The following PCDHA2 variants were observed in gnomAD, a reference collection of about 807,000 sequenced individuals.
PCDHA2 encodes the protein protocadherin alpha-2.
A neutral mutation model predicts 66.0 loss-of-function variants in PCDHA2; 58 were observed. The ratio of observed to expected loss-of-function variants is 0.88; its 90% confidence interval spans 0.71 to 1.09. The LOEUF (loss-of-function observed/expected upper bound fraction) is 1.09. PCDHA2 is among the 50% of genes least tolerant of loss of function. The probability of loss-of-function intolerance (pLI) is 0.00; values close to 1 mark genes in which losing one functional copy is unlikely to be tolerated. For missense variants in PCDHA2, 1,267 were observed against 1,242.3 expected (o/e 1.02, Z -0.30); for synonymous variants, 634 against 554.0 (o/e 1.14, Z -2.03).
chr5:140,903,273 T>G (rs1213268192), intron 1 of PCDHA2, among the ~76,000 whole-genome samples: 2 of 152,228 alleles, frequency 1.3e-5, no homozygotes, highest in Non-Finnish European at 2.9e-5. Flanking sequence ...AGTGAGGTAG[T>G]GTCTCATTGT....
intron 1 of PCDHA2, among the ~76,000 whole-genome samples, chr5:140,923,894 G>A (rs2081566819): frequency 6.6e-6 from 1 of 152,186 alleles, no homozygotes; most frequent in African/African-American, 2.4e-5. Flanking sequence ...AAGAGGAGGA[G>A]TTTCTGTGAA....
chr5:140,909,992 T>A (rs2074821631), intron 1 of PCDHA2, among the ~76,000 whole-genome samples: 1 of 152,192 alleles, frequency 6.6e-6, no homozygotes, highest in Non-Finnish European at 1.5e-5. Context: ...ACTAACAGCA[T>A]AAATTGTTGT....
At chr5:140,936,768 G>C (rs1554211177) in intron 1 of PCDHA2, among the ~76,000 whole-genome samples, 2 of 152,042 alleles carry the variant, frequency 1.3e-5, no homozygotes, top group African/African-American at 4.8e-5. Flanking sequence ...AATTGTGTAA[G>C]TTCTCTCACT....
At chr5:140,923,093 A>G (rs1372910044) in intron 1 of PCDHA2, among the ~76,000 whole-genome samples, 3 of 152,194 alleles carry the variant, frequency 2.0e-5, no homozygotes, top group Admixed American at 6.5e-5. Flanking sequence ...TATTTGACCA[A>G]TGGGAGTATG....
chr5:140,976,685 T>TTGC (rs1279936534), intron 1 of PCDHA2, among the ~76,000 whole-genome samples: 2 of 152,238 alleles, frequency 1.3e-5, no homozygotes, highest in East Asian at 3.8e-4. Flanking sequence ...TTTTGCAATT[T>TTGC]AAGTACAATA....
intron 1 of PCDHA2, chr5:140,801,199 T>C: frequency 6.3e-7 from 1 of 1,594,768 alleles, no homozygotes; most frequent in Non-Finnish European, 8.5e-7. Context: ...ATACTTGCAA[T>C]GTTGTTCTCC....
chr5:140,969,228 G>C, intron 1 of PCDHA2: 1 of 1,614,176 alleles, frequency 6.2e-7, no homozygotes, highest in Non-Finnish European at 8.5e-7. Flanking sequence ...GGGCCTTCGG[G>C]AGCCCAAGCA....
At chr5:140,968,634 A>T (rs782166097) in intron 1 of PCDHA2, 7 of 1,614,176 alleles carry the variant, frequency 4.3e-6, no homozygotes, top group Non-Finnish European at 5.9e-6. Flanking sequence ...CTTTTTTACC[A>T]TCTAGCCCAG....
intron 1 of PCDHA2, chr5:140,882,638 A>G (rs2059233239): frequency 5.0e-6 from 8 of 1,614,116 alleles, no homozygotes; most frequent in African/African-American, 1.3e-5. Context: ...GGTGAAGGTG[A>G]GGGACATTAA....
chr5:140,955,234 G>C (rs1373509371), intron 1 of PCDHA2, among the ~76,000 whole-genome samples: 12 of 152,184 alleles, frequency 7.9e-5, no homozygotes, highest in Middle Eastern at 3.4e-3. Flanking sequence ...TTGTTCTTTT[G>C]CTTAGGATCG....
chr5:140,891,430 A>G (rs1422502424), intron 1 of PCDHA2, among the ~76,000 whole-genome samples: 1 of 141,772 alleles, frequency 7.1e-6, no homozygotes, highest in Non-Finnish European at 1.5e-5. Flanking sequence ...CCAAGTCCCC[A>G]ACGTCCATTG....
intron 1 of PCDHA2, chr5:140,802,478 T>G: frequency 3.7e-6 from 6 of 1,614,166 alleles, no homozygotes; most frequent in Non-Finnish European, 5.1e-6. Context: ...TGGTGACTGC[T>G]CGGGACGGGG....
chr5:140,849,816 G>T lies in PCDHA2; in HGVS notation c.2388+52464G>T, dbSNP rs2150451582. ...GCCTTCACTGTGGGCCACGGCCAGG[G>T]TGTCTGTGGAGGTGGCCGACGTGAA... On this transcript the variant is annotated intron_variant, in intron 1 of 3. Transcript: ENST00000526136. 94 of 1,598,462 alleles carry T rather than the reference G, an allele frequency of 5.9e-5. 8 individuals are homozygous for T. Among genetic ancestry groups the T allele is most frequent in the Admixed American group, 5.1e-5 (3 of 59,318 alleles).
intron 1 of PCDHA2, chr5:140,841,202 A>AT: frequency 7.6e-7 from 1 of 1,311,932 alleles, no homozygotes; most frequent in East Asian, 2.4e-5. Context: ...CTCTGACAGC[A>AT]TCTGTCTCTA....
Position 140,796,029 on chromosome 5 carries a change from C to T in PCDHA2, c.1065C>T (p.Leu355=), listed in dbSNP as rs1762025389. The change falls in exon 1 of 4, where the codon CTC becomes CTT. Residue 355 remains leucine (L), a synonymous_variant. Transcript: ENST00000526136. The stretch of plus-strand genomic sequence containing the variant: ...CACCAGAAGTCTCAATAACGTCTCT[C>T]TCACTTCCCATCTCAGAGAACGCTT... ...DNTPEVSITS[L]SLPISENASL... 3 of 1,614,092 alleles carry T rather than the reference C, an allele frequency of 1.9e-6. No homozygotes were observed. In the African/African-American group the frequency reaches 4.0e-5, roughly 22 times the overall value.
At chr5:140,880,694 A>C (rs1254061280) in intron 1 of PCDHA2, among the ~76,000 whole-genome samples, 1 of 152,228 alleles carries the variant, frequency 6.6e-6, no homozygotes, top group Non-Finnish European at 1.5e-5. Context: ...AGTCATGGTT[A>C]AGTGACAATG....
chr5:140,962,511 C>T (rs1164554453), intron 1 of PCDHA2, among the ~76,000 whole-genome samples: 1 of 152,106 alleles, frequency 6.6e-6, no homozygotes, highest in Non-Finnish European at 1.5e-5. Flanking sequence ...AGCCAACTAT[C>T]AATAATATAT....
chr5:140,974,544 T>C (rs1393611069), intron 1 of PCDHA2, among the ~76,000 whole-genome samples: 1 of 152,232 alleles, frequency 6.6e-6, no homozygotes, highest in Non-Finnish European at 1.5e-5. Context: ...GGAGTTTTGC[T>C]CTTGTTGCCC....
chr5:140,928,217 C>T, intron 1 of PCDHA2: 2 of 1,614,212 alleles, frequency 1.2e-6, no homozygotes, highest in Non-Finnish European at 1.7e-6. Flanking sequence ...AATGACAATA[C>T]ACCAAACTTT....
Sources: allele counts gnomAD v4.1 joint callset (sites outside exome capture counted in the v4.1 genomes callset), GRCh38; gene constraint gnomAD v4.1.1; transcripts MANE v1.5; gene names NCBI Gene and HGNC (gene_info 2026-07-23, HGNC 2026-07-21).